The following P2RY14 variants were observed in gnomAD, a reference collection of about 807,000 sequenced individuals.
The protein encoded by P2RY14 is purinergic receptor P2Y14.
Under a neutral mutation model 0.9 loss-of-function variants are expected in P2RY14, and 2 were observed. The ratio of observed to expected loss-of-function variants is 2.16; its 90% confidence interval spans 0.88 to 6.79. The LOEUF is 6.79. Among genes scored for constraint, P2RY14 ranks in the 30% most tolerant of loss-of-function variants. The pLI is 0.05. For synonymous variants in P2RY14, 158 were observed against 147.2 expected (o/e 1.07, Z -0.53); for missense variants, 378 against 400.1 (o/e 0.94, Z 0.47).
intron 1 of P2RY14, among the ~76,000 whole-genome samples, chr3:151,239,997 T>G (rs1377218100): frequency 6.6e-6 from 1 of 151,904 alleles, no homozygotes. Flanking sequence ...CCACCAGATG[T>G]GTGAATCAAA....
In P2RY14 at chr3:151,232,852, A is replaced by C. The variant is rs552097565; in HGVS notation, c.-132-13210T>G. Among the ~76,000 whole-genome samples, 13 of 152,302 alleles carry C rather than the reference A, an allele frequency of 8.5e-5. No individual in the cohort carries two copies. The South Asian group carries it at 2.5e-3, about 29-fold the overall frequency. On this transcript the variant is annotated intron_variant, in intron 1 of 2. Coordinates refer to ENST00000309170, the MANE Select transcript of P2RY14 (RefSeq NM_014879.4). ...TTGGGTACTAGACTTAGTACCTGAC[A>C]AAAAAATCTGCAACAAATCCCTGTG...
intron 1 of P2RY14, among the ~76,000 whole-genome samples, chr3:151,231,168 A>G (rs1731593150): frequency 6.6e-6 from 1 of 152,214 alleles, no homozygotes; most frequent in South Asian, 2.1e-4. Context: ...GTAGGATGCA[A>G]ATGAGAAAGC....
chr3:151,213,555 G>A lies in P2RY14; in HGVS notation c.762C>T (p.Ile254=), dbSNP rs141983619. The A allele has an allele frequency of 1.3e-3, 2,130 of 1,614,144 alleles. 3 individuals carry two copies. The highest frequency in any genetic ancestry group is 1.3e-3 in the Non-Finnish European group (1,577 of 1,180,008). ...CTTCGGTCTGACTCTTTGTGTAGGG[G>A]ATTCTGGCAATATGGTAAGGTACAA... ...VCFVPYHIAR[I]PYTKSQTEAH... Residue 254 remains isoleucine, a synonymous_variant, in exon 3 of 3, where the codon ATC becomes ATT. Transcript: ENST00000309170.
chr3:151,248,937 G>A (rs144473533), intron 1 of P2RY14: 37 of 152,308 alleles, frequency 2.4e-4, no homozygotes, highest in African/African-American at 7.9e-4. Flanking sequence ...TTGATGTTGA[G>A]GGAAATAGAT....
intron 1 of P2RY14, among the ~76,000 whole-genome samples, chr3:151,245,846 G>A (rs1316093086): frequency 1.5e-5 from 2 of 136,408 alleles, no homozygotes; most frequent in Non-Finnish European, 3.2e-5. Flanking sequence ...GTTTGCAGAC[G>A]ACATGATTGT....
chr3:151,240,441 G>A (rs947750100), intron 1 of P2RY14, among the ~76,000 whole-genome samples: 1 of 152,194 alleles, frequency 6.6e-6, no homozygotes, highest in Non-Finnish European at 1.5e-5. Flanking sequence ...GCTGCTGCGT[G>A]CCAGGTACTA....
intron 1 of P2RY14, among the ~76,000 whole-genome samples, chr3:151,245,921 G>T (rs1735345395): frequency 6.6e-6 from 1 of 151,462 alleles, no homozygotes; most frequent in Admixed American, 6.6e-5. Flanking sequence ...CTTCAGCAAA[G>T]TCTCAGGATA....
intron 1 of P2RY14, among the ~76,000 whole-genome samples, chr3:151,249,583 A>T (rs1216762720): frequency 6.6e-6 from 1 of 152,084 alleles, no homozygotes; most frequent in Non-Finnish European, 1.5e-5. Flanking sequence ...CTCTAGACTT[A>T]TCCTGGTCTA....
At chr3:151,260,212 C>T (rs1423735208) in intron 1 of P2RY14, among the ~76,000 whole-genome samples, 2 of 152,162 alleles carry the variant, frequency 1.3e-5, no homozygotes, top group Non-Finnish European at 1.5e-5. Context: ...AGAGCCGCAA[C>T]GTCACCTTAT....
intron 1 of P2RY14, among the ~76,000 whole-genome samples, chr3:151,242,395 C>A (rs961668312): frequency 1.3e-5 from 2 of 152,352 alleles, no homozygotes; most frequent in East Asian, 1.9e-4. Context: ...TTGAAGAGAG[C>A]AGTGGTTCTC....
At chr3:151,253,302 C>T (rs1403943264) in intron 1 of P2RY14, among the ~76,000 whole-genome samples, 2 of 152,122 alleles carry the variant, frequency 1.3e-5, no homozygotes, top group Non-Finnish European at 2.9e-5. Flanking sequence ...TGCACTGTGC[C>T]GGAAACCATT....
intron 1 of P2RY14, among the ~76,000 whole-genome samples, chr3:151,224,564 T>C (rs1355492773): frequency 6.6e-6 from 1 of 152,196 alleles, no homozygotes; most frequent in African/African-American, 2.4e-5. Context: ...CAAATAACTG[T>C]CTCATCTGTG....
chr3:151,228,919 C>T (rs367819627), intron 1 of P2RY14, among the ~76,000 whole-genome samples: 8 of 152,156 alleles, frequency 5.3e-5, no homozygotes, highest in Admixed American at 2.0e-4. Flanking sequence ...GACCTCTTTT[C>T]GCCTCACTGA....
chr3:151,217,969 A>G (rs1728565497), intron 2 of P2RY14, among the ~76,000 whole-genome samples: 1 of 152,180 alleles, frequency 6.6e-6, no homozygotes, highest in South Asian at 2.1e-4. Flanking sequence ...AGGCAGGAAT[A>G]TGTGTTGGAT....
chr3:151,265,143 C>T (rs1739596140), intron 1 of P2RY14, among the ~76,000 whole-genome samples: 2 of 152,176 alleles, frequency 1.3e-5, no homozygotes, highest in South Asian at 4.1e-4. Flanking sequence ...GTCGCCAGCA[C>T]CTAGAGCAGT....
intron 1 of P2RY14, among the ~76,000 whole-genome samples, chr3:151,242,609 C>T (rs1214987825): frequency 6.6e-6 from 1 of 152,186 alleles, no homozygotes; most frequent in Admixed American, 6.5e-5. Flanking sequence ...CACCAAAAAC[C>T]CATCTGTACA....
At chr3:151,242,243 C>G (rs907544665) in intron 1 of P2RY14, among the ~76,000 whole-genome samples, 5 of 152,154 alleles carry the variant, frequency 3.3e-5, no homozygotes, top group African/African-American at 4.8e-5. Flanking sequence ...ACAAAGCAGC[C>G]GGGAAGCTCA....
intron 1 of P2RY14, among the ~76,000 whole-genome samples, chr3:151,260,890 T>C (rs1370371879): frequency 1.3e-5 from 2 of 152,160 alleles, no homozygotes; most frequent in African/African-American, 4.8e-5. Flanking sequence ...AAGTCAACAT[T>C]TATCTTTATC....
At chr3:151,244,113 A>C (rs916009505) in intron 1 of P2RY14, among the ~76,000 whole-genome samples, 1 of 120,384 alleles carries the variant, frequency 8.3e-6, no homozygotes, top group Admixed American at 8.9e-5. Flanking sequence ...CAAGATTCAT[A>C]AAGCAAGTCC....
Sources: allele counts gnomAD v4.1 joint callset (sites outside exome capture counted in the v4.1 genomes callset), GRCh38; gene constraint gnomAD v4.1.1; transcripts MANE v1.5; gene names NCBI Gene and HGNC (gene_info 2026-07-23, HGNC 2026-07-21).